Variants in PCDHGA1 observed in about 807,000 individuals in gnomAD.
PCDHGA1 encodes the protein protocadherin gamma-A1.
PCDHGA1 carries 32 observed loss-of-function variants against 58.0 expected under a neutral mutation model. The observed-to-expected ratio is 0.55, with a 90% CI of 0.42 to 0.74. The LOEUF is 0.74. Ranked by LOEUF, PCDHGA1 falls within the 30% of genes least tolerant of loss-of-function variation. The pLI, the probability that PCDHGA1 is intolerant of heterozygous loss-of-function variation, is 0.00. For synonymous variants in PCDHGA1, 498 were observed against 501.1 expected (o/e 0.99, Z 0.08); for missense variants, 1,205 against 1,182.3 (o/e 1.02, Z -0.28).
chr5:141,384,898 A>G (rs982769749), intron 1 of PCDHGA1: 168 of 1,613,752 alleles, frequency 1.0e-4, no homozygotes, highest in Non-Finnish European at 1.3e-4. Flanking sequence ...TGTGGCTGAC[A>G]GCATCCCCGA....
At chr5:141,338,019 T>A (rs1756721571) in intron 1 of PCDHGA1, among the ~76,000 whole-genome samples, 1 of 152,212 alleles carries the variant, frequency 6.6e-6, no homozygotes, top group African/African-American at 2.4e-5. Context: ...TCAGCCTTTT[T>A]CTTGATTCAA....
At chr5:141,374,236 T>C in intron 1 of PCDHGA1, 1 of 1,613,974 alleles carries the variant, frequency 6.2e-7, no homozygotes, top group Non-Finnish European at 8.5e-7. Flanking sequence ...TCGTCAAGGA[T>C]CTGGGACTGG....
rs750033444 is a variant in PCDHGA1 at position 141,432,950 on chromosome 5, G to C, written c.2422-61857G>C. 1.2e-6 allele frequency: 2 copies of C among 1,614,190 alleles called. No homozygotes were observed. The highest frequency in any genetic ancestry group is 1.7e-6 in the Non-Finnish European group (2 of 1,180,032). ...ACGCCTGCTGCAGGCTTCAGGAGGC[G>C]GCTTGACAGGAGCGCCGGCGTCGCA... On this transcript the variant is annotated intron_variant, in intron 1 of 3. Transcript: ENST00000517417. The surrounding 1 kb of genome is among the most constrained non-coding windows in gnomAD (Gnocchi z 6.0).
rs752999009 is a variant in PCDHGA1, at chr5:141,409,899, C to T, written c.2421+76794C>T. 4 of 1,613,152 alleles carry T rather than the reference C, an allele frequency of 2.5e-6. No individual in the cohort carries two copies. The East Asian group carries it at 8.9e-5, about 36-fold the overall frequency. ...AACGCACCGCGGGTGCTGTACCCAG[C>T]TCTGGGTCCTGACGGCTCCGCGTTC... On this transcript the variant is annotated intron_variant, in intron 1 of 3. Coordinates refer to ENST00000517417, the MANE Select transcript of PCDHGA1 (RefSeq NM_018912.3).
chr5:141,418,542 T>G, intron 1 of PCDHGA1: 1 of 1,614,028 alleles, frequency 6.2e-7, no homozygotes, highest in Non-Finnish European at 8.5e-7. Flanking sequence ...ACTGCTCAGA[T>G]AAGAATCCTG....
intron 1 of PCDHGA1, among the ~76,000 whole-genome samples, chr5:141,425,059 G>A (rs1056925377): frequency 3.3e-5 from 5 of 152,110 alleles, no homozygotes; most frequent in Non-Finnish European, 7.4e-5. Flanking sequence ...CTAGGGCTCG[G>A]ACAAAAATAA....
At chr5:141,398,989 T>G (rs766277028) in intron 1 of PCDHGA1, 2 of 1,613,796 alleles carry the variant, frequency 1.2e-6, no homozygotes, top group Non-Finnish European at 1.7e-6. Flanking sequence ...CGGGCAAATC[T>G]TTAGTCTGAA....
At chr5:141,372,942 T>C in intron 1 of PCDHGA1, 1 of 786,954 alleles carries the variant, frequency 1.3e-6, no homozygotes. Context: ...GAGTAGGGTG[T>C]CTAGGAAATT....
At chr5:141,457,108 T>C (rs186630889) in intron 1 of PCDHGA1, among the ~76,000 whole-genome samples, 40 of 152,338 alleles carry the variant, frequency 2.6e-4, no homozygotes, top group African/African-American at 9.1e-4. Flanking sequence ...TTAAGCAAAA[T>C]ACGACAGCAA....
Position 141,334,433 on chromosome 5 carries a change from C to G in PCDHGA1, c.2421+1328C>G, listed in dbSNP as rs1190516604. On this transcript the variant is annotated intron_variant, in intron 1 of 3. Transcript: ENST00000517417. The surrounding 1 kb of genome is among the most constrained non-coding windows in gnomAD (Gnocchi z 4.6). ...TGGAGCCCTGGAGTTCAAGACCAGC[C>G]GGACAGGGCGGCCTGCGACTGTAGT... is the stretch of plus-strand genomic sequence containing the variant. 3 of 134,332 alleles carry G rather than the reference C, an allele frequency of 2.2e-5. No individual in the cohort carries two copies. The East Asian group carries it at 7.5e-4, about 34-fold the overall frequency. The allele number at this position is 134,332 out of a possible 1,614,324, so 8.3% of individuals were successfully genotyped here.
At position 141,431,245 on chromosome 5, in the gene PCDHGA1, C is replaced by A. The variant is rs761126985; in HGVS notation, c.2422-63562C>A. The A allele has an allele frequency of 5.0e-6, 8 of 1,614,016 alleles. No individual in the cohort carries two copies. In the Admixed American group the frequency reaches 1.2e-4, roughly 24 times the overall value. On this transcript the variant is annotated intron_variant, in intron 1 of 3. Coordinates refer to ENST00000517417, the MANE Select transcript of PCDHGA1 (RefSeq NM_018912.3). This position sits in a 1 kb window ranked among gnomAD's most constrained non-coding sequence, Gnocchi z 4.8. ...TACCCCACGCCTGGGATCCGGATAT[C>A]GGGAAGAACTCTCTGCAGAGCTACG... is the stretch of plus-strand genomic sequence containing the variant.
At position 141,430,859 on chromosome 5, in the gene PCDHGA1, T is replaced by G. The variant is rs770543752; in HGVS notation, c.2422-63948T>G. The stretch of plus-strand genomic sequence containing the variant: ...GACCGGATGCACCCAGATACGCTAT[T>G]CAGTTCCGGAAGAGCTGGAGAAAGG... On this transcript the variant is annotated intron_variant, in intron 1 of 3. Transcript: ENST00000517417. 5.0e-6 allele frequency: 8 copies of G among 1,592,398 alleles called. No homozygotes were observed. The East Asian group carries it at 1.6e-4, about 31-fold the overall frequency.
Position 141,491,900 on chromosome 5 carries a change from G to C in PCDHGA1, c.2422-2907G>C. ...TAAGGGATGGGGCTCCGAGCACCGG[G>C]GGTGGTGGCGACTGTGGGCGAGGGG... On this transcript the variant is annotated intron_variant, in intron 1 of 3. Transcript: ENST00000517417. This position sits in a 1 kb window ranked among gnomAD's most constrained non-coding sequence, Gnocchi z 6.9. 1 of 1,429,936 alleles carries C rather than the reference G, an allele frequency of 7.0e-7. No homozygotes were observed. Among genetic ancestry groups the C allele is most frequent in the South Asian group, 1.5e-5 (1 of 67,072 alleles). 88.6% of individuals were successfully genotyped at this position (1,429,936 alleles called of 1,614,324 possible). A position where few individuals can be genotyped will look rare whatever the true frequency, so the allele number is the denominator to read the frequency against.
chr5:141,510,795 G>T (rs994874330), intron 3 of PCDHGA1, 152 bp from the exon 4 acceptor site: 6 of 1,465,214 alleles, frequency 4.1e-6, no homozygotes. Flanking sequence ...CTTGTGAAGA[G>T]AGACTACCTT....
chr5:141,384,739 C>A (rs1484877981), intron 1 of PCDHGA1: 1 of 1,613,938 alleles, frequency 6.2e-7, no homozygotes, highest in African/African-American at 1.3e-5. Context: ...GGCCAGCGAG[C>A]CAGGACTCTT....
Position 141,332,788 on chromosome 5 carries a change from T to G in PCDHGA1, c.2104T>G (p.Cys702Gly), listed in dbSNP as rs767304545. 9.3e-6 allele frequency: 15 copies of G among 1,614,032 alleles called. No individual in the cohort carries two copies. Among genetic ancestry groups the G allele is most frequent in the Non-Finnish European group, 1.1e-5 (13 of 1,180,024 alleles). Residue 702 changes from cysteine (C) to glycine (G), a missense_variant, in exon 1 of 4, where the codon TGC becomes GGC. Coordinates refer to ENST00000517417, the MANE Select transcript of PCDHGA1 (RefSeq NM_018912.3). This position sits in a 1 kb window ranked among gnomAD's most constrained non-coding sequence, Gnocchi z 4.6. Reference sequence around the variant, plus strand: ...GGTGGTGGCGGCGGCCGCGGTCTCCTGCGTCTTCCTGGCCTTCGTCATCGT... The same window carrying G: ...GGTGGTGGCGGCGGCCGCGGTCTCCGGCGTCTTCCTGGCCTTCGTCATCGT... Reference protein sequence around the residue: ...YLVVAAAAVSCVFLAFVIVLL... With the variant: ...YLVVAAAAVSGVFLAFVIVLL...
chr5:141,336,983 T>G (rs1257891707), intron 1 of PCDHGA1, among the ~76,000 whole-genome samples: 1 of 152,172 alleles, frequency 6.6e-6, no homozygotes, highest in Non-Finnish European at 1.5e-5. Context: ...TGAATAGACA[T>G]TTCTCCAAAG....
intron 1 of PCDHGA1, chr5:141,357,623 T>A (rs1394776476): frequency 6.2e-7 from 1 of 1,613,680 alleles, no homozygotes; most frequent in Admixed American, 1.7e-5. Context: ...AATCTTCAGG[T>A]GAGTCAATCT....
chr5:141,388,729 G>T (rs1407038729), intron 1 of PCDHGA1: 10 of 1,614,012 alleles, frequency 6.2e-6, no homozygotes, highest in Non-Finnish European at 8.5e-6. Context: ...TTCTCTTTCA[G>T]TGAAGCTAGC....
Sources: allele counts gnomAD v4.1 joint callset (sites outside exome capture counted in the v4.1 genomes callset), GRCh38; gene constraint gnomAD v4.1.1; non-coding constraint Gnocchi (gnomAD v3.1); transcripts MANE v1.5; gene names NCBI Gene and HGNC (gene_info 2026-07-23, HGNC 2026-07-21).